The following ENPP3 variants were observed in gnomAD, a reference collection of about 807,000 sequenced individuals.
ENPP3 encodes the protein ectonucleotide pyrophosphatase/phosphodiesterase 3, also known as ectonucleotide pyrophosphatase/phosphodiesterase family member 3.
ENPP3 carries 104 observed loss-of-function variants against 117.8 expected under a neutral mutation model. The observed-to-expected ratio is 0.88, with a 90% confidence interval of 0.75 to 1.04. The LOEUF (loss-of-function observed/expected upper bound fraction) is 1.04. Among genes scored for constraint, ENPP3 ranks in the 50% least tolerant of loss-of-function variants. ENPP3 has a pLI of 0.00. For synonymous variants in ENPP3, 380 were observed against 349.9 expected (o/e 1.09, Z -0.96); for missense variants, 1,026 against 1,051.9 (o/e 0.98, Z 0.34).
At position 131,637,351 on chromosome 6, in the gene ENPP3, TC is replaced by T; in HGVS notation, c.-33del. 7.1e-7 allele frequency: 1 copy of T among 1,413,630 alleles called. No homozygotes were observed. The highest frequency in any genetic ancestry group is 9.7e-7 in the Non-Finnish European group (1 of 1,033,000). The allele number at this position is 1,413,630 out of a possible 1,614,324, so 87.6% of individuals were successfully genotyped here. ...GACTAAAGAAGGAGCACTAATTTAT[TC>T]TGATAAAACAGGTCTATGCAGCTAC... On this transcript the variant is annotated 5_prime_UTR_variant, in exon 1 of 25. Transcript: ENST00000357639.
intron 6 of ENPP3, among the ~76,000 whole-genome samples, chr6:131,668,697 A>AATTTTAAGG (rs1349451456): frequency 4.6e-5 from 7 of 152,222 alleles, no homozygotes; most frequent in Non-Finnish European, 8.8e-5. Flanking sequence ...AGTAAAATAC[A>AATTTTAAGG]CACGTAAACA....
intron 11 of ENPP3, among the ~76,000 whole-genome samples, chr6:131,680,875 T>C (rs1214397362): frequency 1.3e-5 from 2 of 152,322 alleles, no homozygotes; most frequent in Non-Finnish European, 2.9e-5. Context: ...TGACAGAATC[T>C]GGGTTCAAGA....
At chr6:131,728,366 C>G (rs1334383121) in intron 20 of ENPP3, among the ~76,000 whole-genome samples, 3 of 152,030 alleles carry the variant, frequency 2.0e-5, no homozygotes, top group Admixed American at 6.6e-5. Flanking sequence ...TGAGCTTTGG[C>G]GGAAACCAAA....
At chr6:131,723,827 T>TCTCTCACACACA (rs367662326) in intron 18 of ENPP3, among the ~76,000 whole-genome samples, 6 of 145,950 alleles carry the variant, frequency 4.1e-5, no homozygotes, top group African/African-American at 1.6e-4. Context: ...TCTCTCTCTC[T>TCTCTCACACACA]CACACACACA....
rs909204021 is a variant in ENPP3, at chr6:131,689,875, A to T, written c.1285-3622A>T. Among the ~76,000 whole-genome samples, 91 of 152,290 alleles carry T rather than the reference A, an allele frequency of 6.0e-4. 1 individual carries two copies. Among genetic ancestry groups the T allele is most frequent in the African/African-American group, 2.2e-3 (91 of 41,564 alleles). On this transcript the variant is annotated intron_variant, in intron 14 of 24. Coordinates refer to ENST00000357639, the MANE Select transcript of ENPP3 (RefSeq NM_005021.5). ...ATTAATAGGAGTTTGGAAGAAGTTGATTCCAACCCTCCTGGATAACTTTGA... is the reference window on the plus strand; with the variant it reads ...ATTAATAGGAGTTTGGAAGAAGTTGTTTCCAACCCTCCTGGATAACTTTGA...
At chr6:131,648,082 G>A (rs548607946) in intron 2 of ENPP3, among the ~76,000 whole-genome samples, 2 of 151,712 alleles carry the variant, frequency 1.3e-5, no homozygotes, top group African/African-American at 2.4e-5. Context: ...TTTATACTAC[G>A]AACAACTGTA....
intron 6 of ENPP3, among the ~76,000 whole-genome samples, chr6:131,666,962 A>G (rs928243762): frequency 1.3e-5 from 2 of 152,140 alleles, no homozygotes; most frequent in African/African-American, 4.8e-5. Context: ...CCAAGTGTCT[A>G]GAGTATGCTA....
intron 14 of ENPP3, among the ~76,000 whole-genome samples, chr6:131,693,118 T>C (rs550876690): frequency 8.3e-5 from 12 of 144,324 alleles, no homozygotes; most frequent in Admixed American, 1.4e-4. Flanking sequence ...TATGGTTATA[T>C]ACACACACAC....
At chr6:131,665,416 C>T (rs1778597016) in intron 6 of ENPP3, among the ~76,000 whole-genome samples, 1 of 152,048 alleles carries the variant, frequency 6.6e-6, no homozygotes, top group Admixed American at 6.6e-5. Context: ...ATTCAATCTC[C>T]TTACTGTTTA....
intron 2 of ENPP3, among the ~76,000 whole-genome samples, chr6:131,646,338 T>C (rs1207466962): frequency 6.6e-6 from 1 of 151,636 alleles, no homozygotes; most frequent in Admixed American, 6.6e-5. Flanking sequence ...GCTCCCTGCA[T>C]TATTTCCTTT....
chr6:131,682,474 A>G (rs1051069485), intron 11 of ENPP3, among the ~76,000 whole-genome samples: 3 of 152,208 alleles, frequency 2.0e-5, no homozygotes. Flanking sequence ...AGCCTGGGCA[A>G]CAGAGTAAGA....
intron 12 of ENPP3, 129 bp downstream of exon 12, chr6:131,683,291 A>C: frequency 3.4e-6 from 2 of 595,192 alleles, no homozygotes; most frequent in Non-Finnish European, 5.9e-6. Context: ...GAAGCAAGGA[A>C]TGAATTGTGG....
chr6:131,647,380 G>A (rs1778173864), intron 2 of ENPP3, among the ~76,000 whole-genome samples: 1 of 152,050 alleles, frequency 6.6e-6, no homozygotes, highest in African/African-American at 2.4e-5. Context: ...CATTAAGACT[G>A]TTTCAGTTAA....
intron 6 of ENPP3, among the ~76,000 whole-genome samples, chr6:131,659,379 G>A (rs1778451214): frequency 1.3e-5 from 2 of 152,036 alleles, no homozygotes; most frequent in Non-Finnish European, 2.9e-5. Flanking sequence ...TAACTCCAAG[G>A]CGCACACTCT....
intron 11 of ENPP3, among the ~76,000 whole-genome samples, chr6:131,678,917 CTTTCTTTCTTTCTT>C (rs1306967047): frequency 3.0e-5 from 2 of 66,506 alleles, no homozygotes; most frequent in African/African-American, 1.7e-4. Context: ...CTCTTTCTTT[CTTTCTTTCTTTCTT>C]TCTTTCTTTC....
intron 6 of ENPP3, among the ~76,000 whole-genome samples, chr6:131,663,352 A>G (rs1390900431): frequency 2.6e-5 from 4 of 151,944 alleles, no homozygotes; most frequent in Non-Finnish European, 5.9e-5. Flanking sequence ...AACAGACTGC[A>G]TATATAATGG....
chr6:131,659,296 T>TA lies in ENPP3; in HGVS notation c.562+876_562+877insA, dbSNP rs553365198. ...GACCTCATCTCTATTTAATAATAAT[T>TA]TTTTTTTAAAAGAAGTTGAGTACCC... On this transcript the variant is annotated intron_variant, in intron 6 of 24. Coordinates refer to ENST00000357639, the MANE Select transcript of ENPP3 (RefSeq NM_005021.5). 5.6e-3 allele frequency among the ~76,000 whole-genome samples: 839 copies of TA among 150,866 alleles called. 6 individuals carry two copies. The highest frequency in any genetic ancestry group is 0.017 in the African/African-American group (710 of 40,724).
intron 20 of ENPP3, among the ~76,000 whole-genome samples, chr6:131,727,897 T>C (rs918309569): frequency 6.6e-6 from 1 of 152,206 alleles, no homozygotes; most frequent in Admixed American, 6.5e-5. Flanking sequence ...AAGGAAATAA[T>C]TGATTGCATA....
In ENPP3 at chr6:131,674,271, A is replaced by C; in HGVS notation, c.752A>C (p.His251Pro). The C allele has an allele frequency of 1.2e-6, 2 of 1,613,638 alleles. No homozygotes were observed. Among genetic ancestry groups the C allele is most frequent in the Non-Finnish European group, 1.7e-6 (2 of 1,179,630 alleles). ...GAACAAAATAATCCAGCCTGGTGGCATGGGCAACCAGTATGTAGCATTCTA... is the reference window on the plus strand; with the variant it reads ...GAACAAAATAATCCAGCCTGGTGGCCTGGGCAACCAGTATGTAGCATTCTA... Reference protein sequence around the residue: ...SKEQNNPAWWHGQPMWLTAMY... With the variant: ...SKEQNNPAWWPGQPMWLTAMY... The change falls in exon 8 of 25, where the codon CAT (histidine) becomes CCT (proline). Residue 251 changes from histidine to proline, a missense_variant. By Grantham distance (77) the His-to-Pro change is moderately conservative (BLOSUM62 -2). Transcript: ENST00000357639.
Sources: allele counts gnomAD v4.1 joint callset (sites outside exome capture counted in the v4.1 genomes callset), GRCh38; gene constraint gnomAD v4.1.1; transcripts MANE v1.5; gene names NCBI Gene and HGNC (gene_info 2026-07-23, HGNC 2026-07-21).